The following PCDHGA4 variants were observed in gnomAD, a reference collection of about 807,000 sequenced individuals.
PCDHGA4 encodes protocadherin gamma-A4.
A neutral mutation model predicts 54.6 loss-of-function variants in PCDHGA4; 38 were observed. The observed-to-expected ratio is 0.70, with a 90% CI of 0.54 to 0.91. PCDHGA4 has a LOEUF of 0.91. PCDHGA4 is among the 40% of genes least tolerant of loss of function. The pLI, the probability that PCDHGA4 is intolerant of heterozygous loss-of-function variation, is 0.00. For synonymous variants in PCDHGA4, 511 were observed against 512.9 expected, an observed-to-expected ratio of 1.00 and a Z score of 0.05; for missense variants, 1,298 against 1,220.9, an observed-to-expected ratio of 1.06 and a Z score of -0.94.
At chr5:141,403,860 C>A (rs201458472) in intron 1 of PCDHGA4, 1 of 1,613,382 alleles carries the variant, frequency 6.2e-7, no homozygotes, top group Non-Finnish European at 8.5e-7. Flanking sequence ...GAAATATCAA[C>A]AGCAAAAAGT....
At chr5:141,395,346 T>C in intron 1 of PCDHGA4, 1 of 1,396,344 alleles carries the variant, frequency 7.2e-7, no homozygotes. Context: ...TTAAGGTGTA[T>C]CACAGAGTTT....
intron 1 of PCDHGA4, among the ~76,000 whole-genome samples, chr5:141,460,612 T>C (rs1215147315): frequency 6.6e-6 from 1 of 152,128 alleles, no homozygotes; most frequent in African/African-American, 2.4e-5. Flanking sequence ...GTTAGATGGA[T>C]AGATAGACAG....
In PCDHGA4 at chr5:141,477,681, T is replaced by G; in HGVS notation, c.2515-17126T>G. On this transcript the variant is annotated intron_variant, in intron 1 of 3. Transcript: ENST00000571252. This position sits in a 1 kb window ranked among gnomAD's most constrained non-coding sequence, Gnocchi z 4.9. ...CGTGACAATGGCATAGTGTCATCCT[T>G]AGTGCCCCTAGACTATGAGGATCGG... 1 of 1,614,180 alleles carries G rather than the reference T, an allele frequency of 6.2e-7. No individual in the cohort carries two copies. Among genetic ancestry groups the G allele is most frequent in the Non-Finnish European group, 8.5e-7 (1 of 1,180,046 alleles).
chr5:141,500,493 G>A (rs1239876467), intron 2 of PCDHGA4, among the ~76,000 whole-genome samples: 1 of 152,166 alleles, frequency 6.6e-6, no homozygotes, highest in Admixed American at 6.5e-5. Context: ...ACAGGCGTGA[G>A]CCACCGCGCC....
intron 1 of PCDHGA4, among the ~76,000 whole-genome samples, chr5:141,455,460 A>G (rs1175234914): frequency 1.3e-5 from 2 of 152,186 alleles, no homozygotes; most frequent in Non-Finnish European, 2.9e-5. Flanking sequence ...GATACCAGCC[A>G]GGTATATATG....
intron 1 of PCDHGA4, chr5:141,421,637 A>T: frequency 6.2e-7 from 1 of 1,613,810 alleles, no homozygotes; most frequent in Non-Finnish European, 8.5e-7. Flanking sequence ...TTCCAGGAGG[A>T]CGAAGTGGAG....
intron 1 of PCDHGA4, among the ~76,000 whole-genome samples, chr5:141,425,922 A>G (rs1485934946): frequency 6.6e-6 from 1 of 152,240 alleles, no homozygotes; most frequent in Non-Finnish European, 1.5e-5. Context: ...TCACTACGAA[A>G]ACTCATAAAA....
rs1296142784 is a variant in PCDHGA4 at position 141,431,302 on chromosome 5, C to T, written c.2515-63505C>T. ...GCCCGAACACTCACTTCTCCCTCAT[C>T]GTGCAAAATGGAGCCGACGGTAGTA... is the stretch of plus-strand genomic sequence containing the variant. On this transcript the variant is annotated intron_variant, in intron 1 of 3. Coordinates refer to ENST00000571252, the MANE Select transcript of PCDHGA4 (RefSeq NM_018917.4). This position sits in a 1 kb window ranked among gnomAD's most constrained non-coding sequence, Gnocchi z 4.8. 2 of 1,614,028 alleles carry T rather than the reference C, an allele frequency of 1.2e-6. No individual in the cohort carries two copies. Among genetic ancestry groups the T allele is most frequent in the African/African-American group, 1.3e-5 (1 of 74,946 alleles).
intron 1 of PCDHGA4, chr5:141,378,119 G>T (rs1412148490): frequency 1.3e-5 from 2 of 152,132 alleles, no homozygotes; most frequent in South Asian, 2.1e-4. Flanking sequence ...TAGTGAACAC[G>T]TATTTGTTGA....
At chr5:141,455,690 C>T (rs1209152869) in intron 1 of PCDHGA4, among the ~76,000 whole-genome samples, 1 of 152,064 alleles carries the variant, frequency 6.6e-6, no homozygotes, top group Non-Finnish European at 1.5e-5. Context: ...CTGTGGGAAT[C>T]GCCAAGTTGA....
intron 1 of PCDHGA4, among the ~76,000 whole-genome samples, chr5:141,369,377 G>T (rs1257760111): frequency 6.6e-6 from 1 of 152,152 alleles, no homozygotes; most frequent in Non-Finnish European, 1.5e-5. Flanking sequence ...CTTTGTAAAA[G>T]TTTTTCATTT....
intron 1 of PCDHGA4, chr5:141,394,115 T>G: frequency 2.5e-6 from 4 of 1,613,954 alleles, no homozygotes; most frequent in Non-Finnish European, 3.4e-6. Flanking sequence ...CTCTGTCCAC[T>G]GAAACTCAAA....
At chr5:141,492,500 C>G (rs2099741252) in intron 1 of PCDHGA4, among the ~76,000 whole-genome samples, 1 of 152,322 alleles carries the variant, frequency 6.6e-6, no homozygotes, top group South Asian at 2.1e-4. Flanking sequence ...GCGAGGACTC[C>G]GGAGCCTCCT....
intron 3 of PCDHGA4, among the ~76,000 whole-genome samples, chr5:141,506,417 A>C (rs1326078146): frequency 6.8e-6 from 1 of 147,658 alleles, no homozygotes; most frequent in Non-Finnish European, 1.5e-5. Context: ...ACTGCACTCC[A>C]GCCTGGGCAA....
chr5:141,472,060 T>C (rs185246000), intron 1 of PCDHGA4, among the ~76,000 whole-genome samples: 5 of 152,276 alleles, frequency 3.3e-5, no homozygotes, highest in Non-Finnish European at 1.5e-5. Context: ...ATGATTGACA[T>C]GTCTGTGGTT....
In PCDHGA4 at chr5:141,388,167, A is replaced by G. The variant is rs2091267491; in HGVS notation, c.2514+30546A>G. On this transcript the variant is annotated intron_variant, in intron 1 of 3. Coordinates refer to ENST00000571252, the MANE Select transcript of PCDHGA4 (RefSeq NM_018917.4). ...GAGCAGCAGGCTAGACAGGGAGGAG[A>G]TATGCGGGAAGAAGCCAGCTTGTGC... 4.1e-6 allele frequency: 6 copies of G among 1,478,972 alleles called. No individual in the cohort carries two copies. In the African/African-American group the frequency reaches 5.7e-5, roughly 14 times the overall value. 91.6% of individuals were successfully genotyped at this position (1,478,972 alleles called of 1,614,324 possible). A position where few individuals can be genotyped will look rare whatever the true frequency, so the allele number is the denominator to read the frequency against.
intron 1 of PCDHGA4, among the ~76,000 whole-genome samples, chr5:141,381,235 C>T (rs760639728): frequency 6.6e-6 from 1 of 152,270 alleles, no homozygotes; most frequent in Non-Finnish European, 1.5e-5. Context: ...ACCAACTACT[C>T]TCCAGGACCT....
intron 2 of PCDHGA4, among the ~76,000 whole-genome samples, chr5:141,504,750 A>C (rs921495017): frequency 6.6e-6 from 1 of 151,894 alleles, no homozygotes; most frequent in Admixed American, 6.5e-5. Context: ...ATTGAATTTT[A>C]GAAATTTCTT....
chr5:141,427,139 T>C (rs1430333586), intron 1 of PCDHGA4: 2 of 456,952 alleles, frequency 4.4e-6, no homozygotes, highest in East Asian at 1.4e-4. Context: ...TACGAGATGA[T>C]ATTGGAAATA....
Sources: allele counts gnomAD v4.1 joint callset (sites outside exome capture counted in the v4.1 genomes callset), GRCh38; gene constraint gnomAD v4.1.1; non-coding constraint Gnocchi (gnomAD v3.1); transcripts MANE v1.5; gene names NCBI Gene and HGNC (gene_info 2026-07-23, HGNC 2026-07-21).